MYO5A: variants seen among roughly 807,000 people sequenced by gnomAD.
MYO5A encodes unconventional myosin-Va.
Under a neutral mutation model 249.7 loss-of-function variants are expected in MYO5A, and 98 were observed. The observed-to-expected ratio is 0.39, with a 90% CI of 0.33 to 0.46. The LOEUF (loss-of-function observed/expected upper bound fraction) is 0.46. MYO5A is among the 20% of genes least tolerant of loss of function. The pLI, the probability that MYO5A is intolerant of heterozygous loss-of-function variation, is 0.98. For synonymous variants in MYO5A, 778 were observed against 810.6 expected (o/e 0.96, Z 0.68); for missense variants, 1,696 against 2,308.8 (o/e 0.73, Z 5.44).
At chr15:52,329,992 T>C (rs960906150) in intron 35 of MYO5A, among the ~76,000 whole-genome samples, 4 of 151,080 alleles carry the variant, frequency 2.6e-5, no homozygotes, top group Non-Finnish European at 4.4e-5. Flanking sequence ...CTTTTTCTTT[T>C]TTTTTTTTTT....
At chr15:52,376,716 T>C (rs966331870) in intron 18 of MYO5A, among the ~76,000 whole-genome samples, 158 bp from the exon 19 acceptor site, 2 of 152,228 alleles carry the variant, frequency 1.3e-5, no homozygotes, top group African/African-American at 4.8e-5. Flanking sequence ...TTTAATCCTA[T>C]GCAAGTTGAG....
intron 1 of MYO5A, among the ~76,000 whole-genome samples, chr15:52,442,250 G>C (rs534946499): frequency 1.3e-5 from 2 of 152,132 alleles, no homozygotes; most frequent in South Asian, 4.2e-4. Flanking sequence ...AAATGCTGGC[G>C]CCACCACCTC....
At chr15:52,328,268 C>A (rs2038704731) in intron 35 of MYO5A, among the ~76,000 whole-genome samples, 1 of 150,766 alleles carries the variant, frequency 6.6e-6, no homozygotes, top group South Asian at 2.1e-4. Flanking sequence ...ACCTTCTTGA[C>A]AACTCTGCTC....
Position 52,351,290 on chromosome 15 carries a change from A to G in MYO5A, c.3813T>C (p.Ser1271=). Residue 1271 remains serine, a synonymous_variant, in exon 28 of 42, where the codon TCT becomes TCC. Transcript: ENST00000399233. ...VRKEEVLILR[S]QLVSQKEAIQ... is the part of the protein sequence containing the mutation. ...TGGCCTCTTTCTGGCTCACCAGTTG[A>G]GACCTTAAGATGAGGACTTCCTCCT... 6.2e-7 allele frequency: 1 copy of G among 1,614,196 alleles called. No individual in the cohort carries two copies. Among genetic ancestry groups the G allele is most frequent in the Non-Finnish European group, 8.5e-7 (1 of 1,180,026 alleles).
chr15:52,383,586 T>C (rs1248559749), intron 15 of MYO5A, among the ~76,000 whole-genome samples: 1 of 152,154 alleles, frequency 6.6e-6, no homozygotes, highest in Non-Finnish European at 1.5e-5. Context: ...GTATAGGTAA[T>C]GAATGAGAGA....
At chr15:52,429,788 G>C (rs181941985) in intron 2 of MYO5A, among the ~76,000 whole-genome samples, 5 of 152,160 alleles carry the variant, frequency 3.3e-5, no homozygotes, top group African/African-American at 1.2e-4. Context: ...ATTTTTAATA[G>C]AGATGGGGGT....
intron 5 of MYO5A, among the ~76,000 whole-genome samples, chr15:52,411,821 G>A (rs1191019193): frequency 6.6e-6 from 1 of 152,166 alleles, no homozygotes; most frequent in Non-Finnish European, 1.5e-5. Context: ...CTGAAATAGA[G>A]TGTAGACATC....
At chr15:52,316,487 G>C (rs1377291742) in intron 40 of MYO5A, among the ~76,000 whole-genome samples, 2 of 152,092 alleles carry the variant, frequency 1.3e-5, no homozygotes, top group African/African-American at 4.8e-5. Flanking sequence ...AACCTCTACG[G>C]TAGAGTCAGT....
At chr15:52,485,044 ACTGT>A (rs2141509261) in intron 1 of MYO5A, among the ~76,000 whole-genome samples, 1 of 152,140 alleles carries the variant, frequency 6.6e-6, no homozygotes, top group South Asian at 2.1e-4. Flanking sequence ...TTTTAAGTAA[ACTGT>A]CTGTTCTTTT....
Position 52,364,642 on chromosome 15 carries a change from T to C in MYO5A, c.3221A>G (p.Glu1074Gly), listed in dbSNP as rs772053655. The change falls in exon 24 of 42, where the codon GAA becomes GGA. Residue 1074 changes from glutamate to glycine, a missense_variant. Physicochemically the swap from Glu to Gly is moderately conservative, Grantham distance 98. Around this residue, in one of 5 missense-constraint regions of MYO5A, gnomAD observed 412 missense variants for 453.3 expected, o/e 0.91. Coordinates refer to ENST00000399233, the MANE Select transcript of MYO5A (RefSeq NM_001382347.1). ...TKQLELDLND[E>G]RLRYQNLLNE... The stretch of plus-strand genomic sequence containing the variant: ...CAGAAGGTTCTGATATCTCAGCCTT[T>C]CATCATTAAGGTCGAGTTCCAGTTG... 1 of 1,613,806 alleles carries C rather than the reference T, an allele frequency of 6.2e-7. No individual in the cohort carries two copies. Among genetic ancestry groups the C allele is most frequent in the African/African-American group, 1.3e-5 (1 of 74,918 alleles).
chr15:52,522,527 C>T (rs1724609), intron 1 of MYO5A, among the ~76,000 whole-genome samples: 147,465 of 152,252 alleles, frequency 0.97, 71,604 homozygotes, highest in East Asian at 1. Flanking sequence ...CCTTACTCCA[C>T]AGATCAGAAG....
intron 1 of MYO5A, among the ~76,000 whole-genome samples, chr15:52,488,620 T>C (rs1443048281): frequency 6.6e-6 from 1 of 152,174 alleles, no homozygotes; most frequent in Non-Finnish European, 1.5e-5. Flanking sequence ...ATGTTTACCT[T>C]AAACATATGA....
chr15:52,375,369 G>A lies in MYO5A; in HGVS notation c.2512C>T (p.Arg838Ter). 6.2e-7 allele frequency: 1 copy of A among 1,614,074 alleles called. No homozygotes were observed. The change falls in exon 20 of 42, where the codon CGA (arginine) becomes TGA (stop). Residue 838 changes from arginine to a stop codon, truncating the protein, a stop_gained. Transcript: ENST00000399233. LOFTEE classifies it high-confidence loss of function. Reference protein sequence around the residue: ...YVVRRRYKIRRAATIVLQSYL... With the variant: ...YVVRRRYKIR ...GACTGAAGAACGATAGTGGCAGCTC[G>A]TCTAATCTTGTACCTCCTGCGGACC... is the stretch of plus-strand genomic sequence containing the variant.
chr15:52,499,359 C>T (rs1203558154), intron 1 of MYO5A, among the ~76,000 whole-genome samples: 3 of 152,144 alleles, frequency 2.0e-5, no homozygotes, highest in African/African-American at 7.2e-5. Flanking sequence ...CAACCTTTAT[C>T]ATTTTTAAGT....
At chr15:52,370,484 C>T in intron 21 of MYO5A, 67 bp from the exon 22 acceptor site, 1 of 1,493,178 alleles carries the variant, frequency 6.7e-7, no homozygotes. Flanking sequence ...AGTAAGAAAA[C>T]CATGTTTATT....
intron 14 of MYO5A, 77 bp downstream of exon 14, chr15:52,387,752 T>A: frequency 8.5e-7 from 1 of 1,173,548 alleles, no homozygotes; most frequent in Non-Finnish European, 1.3e-6. Flanking sequence ...AGATTTTTGT[T>A]AAAAAAATCA....
rs183875404 is a variant in MYO5A, at chr15:52,329,557, G to A, written c.4555+796C>T. 2.7e-3 allele frequency among the ~76,000 whole-genome samples: 407 copies of A among 152,258 alleles called. 3 individuals are homozygous for A. Among genetic ancestry groups the A allele is most frequent in the Non-Finnish European group, 4.2e-3 (283 of 68,018 alleles). On this transcript the variant is annotated intron_variant, in intron 35 of 41. Transcript: ENST00000399233. The stretch of plus-strand genomic sequence containing the variant: ...CTTCCACTCTCATCTCATTTATTCT[G>A]TCCATTCCTTCCTTTGTTAGAATCT...
At chr15:52,439,402 A>G (rs1023766850) in intron 1 of MYO5A, among the ~76,000 whole-genome samples, 12 of 152,192 alleles carry the variant, frequency 7.9e-5, no homozygotes, top group Admixed American at 7.2e-4. Flanking sequence ...TCTCTCAAAC[A>G]TCTCACTTAT....
chr15:52,416,898 CA>C lies in MYO5A; in HGVS notation c.456-598del, dbSNP rs1418592899. ...AAGGACTCCAGCTCTTTCTCTTTCT[CA>C]GGGGGAAATGGATTTTCTTACATAC... On this transcript the variant is annotated intron_variant, in intron 4 of 41. Coordinates refer to ENST00000399233, the MANE Select transcript of MYO5A (RefSeq NM_001382347.1). Among the ~76,000 whole-genome samples the C allele has an allele frequency of 2.6e-5, 4 of 152,180 alleles. 1 individual carries two copies. The highest frequency in any genetic ancestry group is 5.9e-5 in the Non-Finnish European group (4 of 68,026).
Sources: gnomAD v4.1 joint callset for allele counts (sites outside exome capture counted in the v4.1 genomes callset) on GRCh38, gnomAD v4.1.1 for gene constraint, gnomAD v4.1.1 regional missense constraint, MANE v1.5 for transcripts, NCBI Gene and HGNC (gene_info 2026-07-23, HGNC 2026-07-21) for gene names.